CD44: variants seen among roughly 807,000 people sequenced by gnomAD.
CD44 encodes the protein CD44 antigen.
A neutral mutation model predicts 88.8 loss-of-function variants in CD44; 49 were observed. The ratio of observed to expected loss-of-function variants is 0.55; its 90% CI spans 0.44 to 0.70. The LOEUF is 0.70. Among genes scored for constraint, CD44 ranks in the 30% least tolerant of loss-of-function variants. The pLI is 0.00. For synonymous variants in CD44, 325 were observed against 312.3 expected (o/e 1.04, Z -0.43); for missense variants, 883 against 913.8 (o/e 0.97, Z 0.43).
intron 1 of CD44, among the ~76,000 whole-genome samples, chr11:35,153,400 T>C (rs1206694780): frequency 6.6e-6 from 1 of 152,156 alleles, no homozygotes; most frequent in Non-Finnish European, 1.5e-5. Context: ...CACACCCATA[T>C]TTGGTATTTT....
intron 3 of CD44, among the ~76,000 whole-genome samples, 189 bp downstream of exon 3, chr11:35,180,596 A>G (rs1333626029): frequency 6.6e-6 from 1 of 152,198 alleles, no homozygotes; most frequent in Non-Finnish European, 1.5e-5. Flanking sequence ...AACAATAAAC[A>G]AATAAATATT....
At chr11:35,214,678 T>A in intron 14 of CD44, 174 bp from the exon 15 acceptor site, 1 of 402,552 alleles carries the variant, frequency 2.5e-6, no homozygotes, top group Non-Finnish European at 4.4e-6. Context: ...GATTAAGCAA[T>A]GAACGGTAAT....
At position 35,230,372 on chromosome 11, in the gene CD44, T is replaced by A. The variant is rs1262683028; in HGVS notation, c.*1039T>A. 6.6e-6 allele frequency: 1 copy of A among 152,232 alleles called. No homozygotes were observed. The highest frequency in any genetic ancestry group is 1.5e-5 in the Non-Finnish European group (1 of 68,052). The allele number at this position is 152,232 out of a possible 1,614,324, so 9.4% of individuals were successfully genotyped here. The stretch of plus-strand genomic sequence containing the variant: ...AAAGTCACATTAAGTTTGCATGACC[T>A]GTTATCCCTGGGGCCCTATTTCATA... On this transcript the variant is annotated 3_prime_UTR_variant, in exon 18 of 18. Transcript: ENST00000428726.
In CD44 at chr11:35,205,737, G is replaced by A. The variant is rs1240950699; in HGVS notation, c.1283-375G>A. 6.3e-6 allele frequency: 6 copies of A among 953,540 alleles called. No individual in the cohort carries two copies. In the Middle Eastern group the frequency reaches 1.6e-3, roughly 259 times the overall value. The allele number at this position is 953,540 out of a possible 1,614,324, so 59.1% of individuals were successfully genotyped here. ...ATGTGCATTTGGCTGGAATATGGTTGTCTCAGAATAACATCATGCACTCGG... is the reference window on the plus strand; with the variant it reads ...ATGTGCATTTGGCTGGAATATGGTTATCTCAGAATAACATCATGCACTCGG... On this transcript the variant is annotated intron_variant, in intron 10 of 17. Coordinates refer to ENST00000428726, the MANE Select transcript of CD44 (RefSeq NM_000610.4).
At chr11:35,188,872 A>G (rs1317351780) in intron 4 of CD44, among the ~76,000 whole-genome samples, 2 of 151,998 alleles carry the variant, frequency 1.3e-5, no homozygotes, top group Non-Finnish European at 2.9e-5. Flanking sequence ...CAGGAGGCGG[A>G]GGCTGCTGCA....
intron 16 of CD44, among the ~76,000 whole-genome samples, 191 bp from the exon 17 acceptor site, chr11:35,221,463 G>T (rs949056220): frequency 6.6e-6 from 1 of 152,206 alleles, no homozygotes; most frequent in Non-Finnish European, 1.5e-5. Context: ...AAGCAAGAAG[G>T]CTGTTGGACA....
chr11:35,199,405 C>T (rs1947074364), intron 7 of CD44, among the ~76,000 whole-genome samples: 2 of 152,088 alleles, frequency 1.3e-5, no homozygotes, highest in South Asian at 4.1e-4. Flanking sequence ...AGCTGAGAAT[C>T]CTGAACCTGA....
intron 1 of CD44, among the ~76,000 whole-genome samples, chr11:35,155,192 C>A (rs150515629): frequency 4.7e-4 from 72 of 152,282 alleles, no homozygotes; most frequent in African/African-American, 1.6e-3. Flanking sequence ...GAGCTTGGAC[C>A]ACAGTGCTTG....
At chr11:35,191,026 C>T (rs953110863) in intron 5 of CD44, among the ~76,000 whole-genome samples, 4 of 152,190 alleles carry the variant, frequency 2.6e-5, no homozygotes, top group African/African-American at 9.7e-5. Flanking sequence ...CCAGATGGGC[C>T]ATGTTCCTCC....
chr11:35,189,847 G>A lies in CD44; in HGVS notation c.449G>A (p.Arg150His), dbSNP rs771323886. Residue 150 changes from arginine to histidine, a missense_variant, in exon 5 of 18, where the codon CGT (arginine) becomes CAT (histidine). Around this residue, in one of 2 missense-constraint regions of CD44, gnomAD observed 252 missense variants for 322.9 expected, o/e 0.78. Transcript: ENST00000428726. ...TTCTCTCTCCCAGCTATTGTTAACC[G>A]TGATGGCACCCGCTATGTCCAGAAA... ...DGPITITIVN[R>H]DGTRYVQKGE... 23 of 1,612,928 alleles carry A rather than the reference G, an allele frequency of 1.4e-5. No individual in the cohort carries two copies. The highest frequency in any genetic ancestry group is 1.3e-4 in the East Asian group (6 of 44,866).
At chr11:35,209,876 C>T (rs1195692244) in intron 12 of CD44, 89 bp from the exon 13 acceptor site, 2 of 793,994 alleles carry the variant, frequency 2.5e-6, no homozygotes, top group African/African-American at 1.8e-5. Context: ...CCATCTGACT[C>T]TACTCTAGCT....
intron 1 of CD44, among the ~76,000 whole-genome samples, chr11:35,164,116 C>G (rs373714668): frequency 1.1e-4 from 16 of 151,962 alleles, no homozygotes; most frequent in Non-Finnish European, 1.6e-4. Context: ...GCTGCCAGAG[C>G]CTTAGTGTTA....
Position 35,204,536 on chromosome 11 carries a change from C to A in CD44, c.1178C>A (p.Thr393Lys), listed in dbSNP as rs11607491. 4.3e-6 allele frequency: 7 copies of A among 1,613,132 alleles called. No individual in the cohort carries two copies. The highest frequency in any genetic ancestry group is 1.7e-5 in the Admixed American group (1 of 59,958). ...GTCCAGGCAACTCCTAGTAGTACAA[C>A]GGAAGAAACAGCTACCCAGAAGGAA... ...STIQATPSST[T>K]EETATQKEQW... Residue 393 changes from threonine to lysine, a missense_variant, in exon 10 of 18, where the codon ACG (threonine) becomes AAG (lysine). This residue lies in a region of CD44 where 631 missense variants were observed against 590.9 expected (regional missense o/e 1.07). Coordinates refer to ENST00000428726, the MANE Select transcript of CD44 (RefSeq NM_000610.4).
rs964100279 is a variant in CD44, at chr11:35,221,580, T to C, written c.1946-74T>C. 2.9e-4 allele frequency: 381 copies of C among 1,293,326 alleles called. 1 individual carries two copies. Among genetic ancestry groups the C allele is most frequent in the Middle Eastern group, 1.1e-3 (6 of 5,466 alleles). The allele number at this position is 1,293,326 out of a possible 1,614,324, so 80.1% of individuals were successfully genotyped here. On this transcript the variant is annotated intron_variant, in intron 16 of 17. Transcript: ENST00000428726. ...GTGGTGCTTGTTTCAACTAGGTCAA[T>C]TATAAAGTGCATTTTTGTTTTTACA...
intron 7 of CD44, among the ~76,000 whole-genome samples, chr11:35,198,766 C>T (rs1008963621): frequency 8.6e-4 from 131 of 152,176 alleles, no homozygotes; most frequent in African/African-American, 2.3e-3. Flanking sequence ...ATGACGAGGT[C>T]AGGAGATCGA....
At chr11:35,228,689 A>G (rs1308651477) in intron 17 of CD44, among the ~76,000 whole-genome samples, 3 of 152,178 alleles carry the variant, frequency 2.0e-5, no homozygotes, top group African/African-American at 7.2e-5. Flanking sequence ...TTCACTTGGA[A>G]TATAGAGAAT....
intron 11 of CD44, among the ~76,000 whole-genome samples, chr11:35,206,935 C>A (rs929188654): frequency 2.0e-5 from 3 of 152,154 alleles, no homozygotes; most frequent in Non-Finnish European, 2.9e-5. Context: ...AATATTAATT[C>A]TATGTACTGA....
intron 1 of CD44, among the ~76,000 whole-genome samples, chr11:35,149,470 T>C (rs1043741759): frequency 6.6e-6 from 1 of 152,232 alleles, no homozygotes; most frequent in Admixed American, 6.5e-5. Context: ...TCTGGAACAA[T>C]ACTTAGCACG....
At chr11:35,206,049 C>G in intron 10 of CD44, 63 bp from the exon 11 acceptor site, 1 of 1,487,562 alleles carries the variant, frequency 6.7e-7, no homozygotes, top group South Asian at 1.4e-5. Flanking sequence ...AAAATAAAAT[C>G]GGTGTATCCC....
Sources: gnomAD v4.1 joint callset for allele counts (sites outside exome capture counted in the v4.1 genomes callset) on GRCh38, gnomAD v4.1.1 for gene constraint, gnomAD v4.1.1 regional missense constraint, MANE v1.5 for transcripts, NCBI Gene and HGNC (gene_info 2026-07-23, HGNC 2026-07-21) for gene names.